The following MAU2 variants were observed in gnomAD, a reference collection of about 807,000 sequenced individuals.
MAU2 encodes the protein MAU2 chromatid cohesion factor homolog.
In MAU2, 9 loss-of-function variants were observed where a neutral mutation model predicts 89.1. The observed-to-expected ratio is 0.10, with a 90% confidence interval of 0.06 to 0.18. The LOEUF (loss-of-function observed/expected upper bound fraction) is 0.18. Among genes scored for constraint, MAU2 ranks in the 10% least tolerant of loss-of-function variants. The pLI, the probability that MAU2 is intolerant of heterozygous loss-of-function variation, is 1.00. For synonymous variants in MAU2, 357 were observed against 343.4 expected (o/e 1.04, Z -0.44); for missense variants, 425 against 803.5 (o/e 0.53, Z 5.69).
chr19:19,327,835 T>G (rs1247566277), intron 1 of MAU2, among the ~76,000 whole-genome samples: 1 of 152,086 alleles, frequency 6.6e-6, no homozygotes, highest in African/African-American at 2.4e-5. Context: ...CTGAAAGCCT[T>G]CCTTCTCTGA....
chr19:19,322,688 C>T (rs1030195145), intron 1 of MAU2, among the ~76,000 whole-genome samples: 1 of 152,078 alleles, frequency 6.6e-6, no homozygotes, highest in African/African-American at 2.4e-5. Context: ...TGTCAGACCC[C>T]TGCCTCCCTT....
intron 16 of MAU2, among the ~76,000 whole-genome samples, chr19:19,349,818 A>T (rs912043675): frequency 1.3e-5 from 2 of 151,988 alleles, no homozygotes; most frequent in African/African-American, 4.8e-5. Flanking sequence ...ACTTCCAAAC[A>T]TATCATCCTT....
At chr19:19,330,131 C>T (rs1427457019) in intron 1 of MAU2, among the ~76,000 whole-genome samples, 1 of 151,774 alleles carries the variant, frequency 6.6e-6, no homozygotes, top group East Asian at 1.9e-4. Context: ...AGGCACACAC[C>T]ACCATGCCCA....
chr19:19,342,517 G>GGT lies in MAU2; in HGVS notation c.736-14_736-13dup. ...GAGGCCAGGCTCAGGTGGATGCTCG[G>GGT]GTGTGGGTGCTGCACAGGTGAAGAG... On this transcript the variant is annotated splice_polypyrimidine_tract_variant and intron_variant, in intron 7 of 18. Coordinates refer to ENST00000262815, the MANE Select transcript of MAU2 (RefSeq NM_015329.4). 6.5e-7 allele frequency: 1 copy of GGT among 1,547,210 alleles called. No individual in the cohort carries two copies. Among genetic ancestry groups the GGT allele is most frequent in the East Asian group, 2.3e-5 (1 of 44,216 alleles).
chr19:19,349,923 C>T (rs2061728210), intron 16 of MAU2, among the ~76,000 whole-genome samples: 2 of 151,586 alleles, frequency 1.3e-5, no homozygotes, highest in Non-Finnish European at 2.9e-5. Context: ...CGCCTCAGTC[C>T]TTCCTGTCAA....
Position 19,358,282 on chromosome 19 carries a change from G to T in MAU2, c.*2500G>T, listed in dbSNP as rs1224719283. The T allele has an allele frequency of 1.3e-5, 2 of 152,268 alleles. No homozygotes were observed. Among genetic ancestry groups the T allele is most frequent in the African/African-American group, 4.8e-5 (2 of 41,446 alleles). The allele number at this position is 152,268 out of a possible 1,614,324, so 9.4% of individuals were successfully genotyped here. ...TCCTGTATGCCTCTGCCCTTGTCCT[G>T]TGGGTTGAGGGGGTCTGACCAGGAG... On this transcript the variant is annotated 3_prime_UTR_variant, in exon 19 of 19. Coordinates refer to ENST00000262815, the MANE Select transcript of MAU2 (RefSeq NM_015329.4).
At chr19:19,330,233 G>T (rs1787747076) in intron 1 of MAU2, among the ~76,000 whole-genome samples, 1 of 151,710 alleles carries the variant, frequency 6.6e-6, no homozygotes, top group African/African-American at 2.4e-5. Context: ...ACCTGTCTTG[G>T]CCTCCCAAAG....
intron 5 of MAU2, among the ~76,000 whole-genome samples, chr19:19,340,422 G>A (rs1298673494): frequency 2.0e-5 from 3 of 151,818 alleles, no homozygotes; most frequent in Non-Finnish European, 4.4e-5. Flanking sequence ...GGTGGATCAC[G>A]AGGTCAGGAG....
At chr19:19,334,581 C>T in intron 1 of MAU2, 6 of 985,528 alleles carry the variant, frequency 6.1e-6, no homozygotes, top group Non-Finnish European at 7.2e-6. Context: ...CCAGGATGGT[C>T]TGAAAACTCC....
intron 1 of MAU2, among the ~76,000 whole-genome samples, chr19:19,333,193 A>G (rs953022131): frequency 6.6e-6 from 1 of 151,982 alleles, no homozygotes; most frequent in Non-Finnish European, 1.5e-5. Context: ...AGGGACACAA[A>G]GCTGTTGCTG....
chr19:19,322,112 C>T (rs1052066382), intron 1 of MAU2, among the ~76,000 whole-genome samples: 17 of 152,030 alleles, frequency 1.1e-4, no homozygotes, highest in African/African-American at 4.1e-4. Flanking sequence ...ATTCTCCTGC[C>T]TCAGCCTCCT....
At chr19:19,346,572 C>T (rs376328841) in intron 12 of MAU2, among the ~76,000 whole-genome samples, 2 of 152,100 alleles carry the variant, frequency 1.3e-5, no homozygotes, top group South Asian at 2.1e-4. Context: ...TTCGGAAGAT[C>T]CTCTGGGCCT....
At chr19:19,342,746 G>GT in intron 8 of MAU2, 30 bp from the exon 9 acceptor site, 1 of 1,613,916 alleles carries the variant, frequency 6.2e-7, no homozygotes, top group Non-Finnish European at 8.5e-7. Flanking sequence ...GAGGGCCCTG[G>GT]TAACCCCTGC....
chr19:19,345,178 C>A lies in MAU2; in HGVS notation c.1156-126C>A. The stretch of plus-strand genomic sequence containing the variant: ...AGTGAGCATATTACCTGCCTTGCAG[C>A]TGGCTCGGTAGAGCCATTGTCATAC... On this transcript the variant is annotated intron_variant, in intron 11 of 18. Transcript: ENST00000262815. This position sits in a 1 kb window ranked among gnomAD's most constrained non-coding sequence, Gnocchi z 4.9. 3.5e-6 allele frequency: 3 copies of A among 858,648 alleles called. No individual in the cohort carries two copies. Among genetic ancestry groups the A allele is most frequent in the Admixed American group, 2.0e-5 (1 of 50,018 alleles). 53.2% of individuals were successfully genotyped at this position (858,648 alleles called of 1,614,324 possible). A position where few individuals can be genotyped will look rare whatever the true frequency, so the allele number is the denominator to read the frequency against.
At chr19:19,347,655 G>C (rs1211493841) in intron 13 of MAU2, 1 of 297,938 alleles carries the variant, frequency 3.4e-6, no homozygotes, top group African/African-American at 2.2e-5. Context: ...TATAGCCCAA[G>C]CTGTCTGCTC....
chr19:19,332,380 C>T (rs1025569547), intron 1 of MAU2, among the ~76,000 whole-genome samples: 2 of 142,136 alleles, frequency 1.4e-5, no homozygotes, highest in African/African-American at 5.3e-5. Context: ...CGCTGTGTTG[C>T]CCAGGCCGGT....
chr19:19,351,812 G>A (rs1252011812), intron 16 of MAU2, among the ~76,000 whole-genome samples: 3 of 150,154 alleles, frequency 2.0e-5, no homozygotes, highest in Middle Eastern at 3.5e-3. Flanking sequence ...CCACGTGGAG[G>A]TTTTGCTTGT....
At chr19:19,355,563 A>G (rs2048168049) in intron 18 of MAU2, 145 bp from the exon 19 acceptor site, 1 of 1,189,244 alleles carries the variant, frequency 8.4e-7, no homozygotes, top group Non-Finnish European at 1.2e-6. Context: ...CAAGGGACCC[A>G]GGTGTCTCCT....
intron 1 of MAU2, among the ~76,000 whole-genome samples, chr19:19,326,791 G>T (rs1337177709): frequency 1.4e-5 from 2 of 145,768 alleles, no homozygotes; most frequent in African/African-American, 5.0e-5. Context: ...CTACTCAGGA[G>T]GCTAAGGCAA....
Sources: gnomAD v4.1 joint callset for allele counts (sites outside exome capture counted in the v4.1 genomes callset) on GRCh38, gnomAD v4.1.1 for gene constraint, Gnocchi (gnomAD v3.1) non-coding constraint, MANE v1.5 for transcripts, NCBI Gene and HGNC (gene_info 2026-07-23, HGNC 2026-07-21) for gene names.